SGCE: variants seen among roughly 807,000 people sequenced by gnomAD.
SGCE encodes the protein epsilon-sarcoglycan.
In SGCE, 26 loss-of-function variants were observed where a neutral mutation model predicts 57.8. That is an observed-to-expected ratio of 0.45 (90% confidence interval 0.33 to 0.62). The LOEUF (loss-of-function observed/expected upper bound fraction) is 0.62, where lower values mean the gene tolerates loss of function less well. Among genes scored for constraint, SGCE ranks in the 20% least tolerant of loss-of-function variants. SGCE has a pLI of 0.02. For missense variants in SGCE, 468 were observed against 548.6 expected (o/e 0.85, Z 1.47); for synonymous variants, 183 against 189.5 (o/e 0.97, Z 0.28).
chr7:94,588,078 C>A (rs1321713664), intron 10 of SGCE: 1 of 1,322,400 alleles, frequency 7.6e-7, no homozygotes, highest in Non-Finnish European at 9.6e-7. Flanking sequence ...AATAAGTTAT[C>A]TACTCAGTAT....
intron 1 of SGCE, among the ~76,000 whole-genome samples, chr7:94,647,053 A>G (rs1807206695): frequency 6.6e-6 from 1 of 152,162 alleles, no homozygotes; most frequent in Non-Finnish European, 1.5e-5. Context: ...GCATAATATG[A>G]TCACATTTTT....
At position 94,623,313 on chromosome 7, in the gene SGCE, T is replaced by A. The variant is rs764052313; in HGVS notation, c.463+12A>T. 2 of 1,507,866 alleles carry A rather than the reference T, an allele frequency of 1.3e-6. No individual in the cohort carries two copies. Among genetic ancestry groups the A allele is most frequent in the Admixed American group, 3.4e-5 (2 of 58,024 alleles). 93.4% of individuals were successfully genotyped at this position (1,507,866 alleles called of 1,614,324 possible). On this transcript the variant is annotated intron_variant, in intron 4 of 10. Transcript: ENST00000648936. Reference sequence around the variant, plus strand: ...TATAAATAAGAAATGATCAACATATTTTCATACCTACCTTCTGCAGACATT... The same window carrying A: ...TATAAATAAGAAATGATCAACATATATTCATACCTACCTTCTGCAGACATT...
rs1163816318 is a variant in SGCE, at chr7:94,616,861, T to C, written c.662+1897A>G. 7 of 152,194 alleles carry C rather than the reference T, an allele frequency of 4.6e-5. No homozygotes were observed. In the East Asian group the frequency reaches 1.2e-3, roughly 25 times the overall value. 9.4% of individuals were successfully genotyped at this position (152,194 alleles called of 1,614,324 possible). A position where few individuals can be genotyped will look rare whatever the true frequency, so the allele number is the denominator to read the frequency against. ...CGTACAATTTATAGAAATGCTATTT[T>C]AAAAGACTCCATATGAATATTTTGT... On this transcript the variant is annotated intron_variant, in intron 5 of 10. Transcript: ENST00000648936.
At position 94,656,086 on chromosome 7, in the gene SGCE, G is replaced by C. The variant is rs966640985; in HGVS notation, c.13C>G (p.Arg5Gly). ...CAGGGGTCTCCCAGCTCCCACCACC[G>C]GGGCAATTGCATTCTTGGCCTGGCT... is the stretch of plus-strand genomic sequence containing the variant. MQLP[R>G]WWELGDPCAW... is the part of the protein sequence containing the mutation. The change falls in exon 1 of 11, where the codon CGG (arginine) becomes GGG (glycine). Residue 5 changes from arginine (R) to glycine (G), a missense_variant. By Grantham distance (125) the Arg-to-Gly change is moderately radical (BLOSUM62 -2). Transcript: ENST00000648936. The C allele has an allele frequency of 3.1e-6, 5 of 1,607,954 alleles. No homozygotes were observed. Among genetic ancestry groups the C allele is most frequent in the Non-Finnish European group, 4.3e-6 (5 of 1,174,628 alleles).
Position 94,598,751 on chromosome 7 carries a change from T to G in SGCE, c.1253+24A>C, listed in dbSNP as rs772672801. 9 of 1,495,030 alleles carry G rather than the reference T, an allele frequency of 6.0e-6. No individual in the cohort carries two copies. In the African/African-American group the frequency reaches 1.2e-4, roughly 21 times the overall value. 92.6% of individuals were successfully genotyped at this position (1,495,030 alleles called of 1,614,324 possible). A position where few individuals can be genotyped will look rare whatever the true frequency, so the allele number is the denominator to read the frequency against. ...TAAAAATATACATGCATATTAATAA[T>G]TATGGCTCTAAGTGGACACTTACTG... On this transcript the variant is annotated intron_variant, in intron 9 of 10. Transcript: ENST00000648936.
intron 9 of SGCE, 22 bp downstream of exon 9, chr7:94,598,753 A>G: frequency 6.6e-7 from 1 of 1,508,530 alleles, no homozygotes; most frequent in Non-Finnish European, 9.2e-7. Flanking sequence ...ATTAATAATT[A>G]TGGCTCTAAG....
At chr7:94,591,237 C>A (rs574149776) in intron 9 of SGCE, among the ~76,000 whole-genome samples, 1 of 152,206 alleles carries the variant, frequency 6.6e-6, no homozygotes, top group African/African-American at 2.4e-5. Flanking sequence ...GATGGCAAGG[C>A]AAATATCTTT....
chr7:94,622,641 A>G (rs974008767), intron 4 of SGCE: 3 of 152,088 alleles, frequency 2.0e-5, no homozygotes, highest in Non-Finnish European at 4.4e-5. Flanking sequence ...AAAAAAAAAA[A>G]AAAGAAAATT....
intron 10 of SGCE, chr7:94,587,920 T>TA (rs1797121408): frequency 2.7e-6 from 4 of 1,455,828 alleles, no homozygotes; most frequent in Non-Finnish European, 3.6e-6. Context: ...ATAGTTTCCC[T>TA]ACCACAATGC....
At chr7:94,585,835 G>A (rs1002017974) in intron 10 of SGCE, among the ~76,000 whole-genome samples, 58 of 151,776 alleles carry the variant, frequency 3.8e-4, no homozygotes, top group African/African-American at 1.3e-3. Flanking sequence ...CCTTTTAATC[G>A]TGGCTTTTAA....
At chr7:94,614,313 T>C (rs1247272015) in intron 5 of SGCE, among the ~76,000 whole-genome samples, 1 of 152,038 alleles carries the variant, frequency 6.6e-6, no homozygotes, top group Admixed American at 6.6e-5. Flanking sequence ...TCCCAGCACC[T>C]ATATCCACAC....
At chr7:94,634,817 C>G (rs1354707524) in intron 1 of SGCE, among the ~76,000 whole-genome samples, 1 of 152,134 alleles carries the variant, frequency 6.6e-6, no homozygotes, top group African/African-American at 2.4e-5. Flanking sequence ...GTGATGGCAG[C>G]AGAAACTCTG....
chr7:94,594,753 T>C (rs1014668943), intron 9 of SGCE, among the ~76,000 whole-genome samples: 6 of 152,110 alleles, frequency 3.9e-5, no homozygotes, highest in African/African-American at 1.4e-4. Flanking sequence ...TCTACAATCA[T>C]TCCAAAATAA....
Position 94,603,371 on chromosome 7 carries a change from A to G in SGCE, c.744T>C (p.Cys248=). 1.2e-6 allele frequency: 2 copies of G among 1,612,652 alleles called. No homozygotes were observed. Among genetic ancestry groups the G allele is most frequent in the Non-Finnish European group, 1.7e-6 (2 of 1,178,830 alleles). Residue 248 remains cysteine, a synonymous_variant, in exon 6 of 11, where the codon TGT becomes TGC. Transcript: ENST00000648936. ...TTATTACAGGCTCCATTTCTTGACT[A>G]CATCTCAATTGATTCTGTGGATTTT... ...EVENPQNQLR[C]SQEMEPVITC...
intron 1 of SGCE, among the ~76,000 whole-genome samples, chr7:94,648,821 T>C (rs1381993598): frequency 1.3e-5 from 2 of 152,242 alleles, no homozygotes. Context: ...AAAGAGCAAC[T>C]ATACTTCCAT....
At chr7:94,601,340 G>A (rs907586666) in intron 6 of SGCE, among the ~76,000 whole-genome samples, 3 of 147,834 alleles carry the variant, frequency 2.0e-5, no homozygotes, top group East Asian at 2.0e-4. Context: ...CAAACGTGTC[G>A]TCCTTGATCT....
chr7:94,608,949 AAACT>A (rs1269043208), intron 5 of SGCE, among the ~76,000 whole-genome samples: 44 of 152,344 alleles, frequency 2.9e-4, no homozygotes, highest in African/African-American at 1.1e-3. Context: ...GCAAAATGCA[AAACT>A]ATGAAACTTC....
At chr7:94,631,915 C>T (rs964859759) in intron 1 of SGCE, among the ~76,000 whole-genome samples, 7 of 151,912 alleles carry the variant, frequency 4.6e-5, no homozygotes, top group South Asian at 2.1e-4. Flanking sequence ...ATTAAAAATA[C>T]CTTGAAGTAC....
chr7:94,613,541 G>A (rs1213651516), intron 5 of SGCE, among the ~76,000 whole-genome samples: 3 of 152,148 alleles, frequency 2.0e-5, no homozygotes, highest in South Asian at 4.1e-4. Context: ...ACTAGATAGA[G>A]TTGTTTCTTG....
Sources: gnomAD v4.1 joint callset for allele counts (sites outside exome capture counted in the v4.1 genomes callset) on GRCh38, gnomAD v4.1.1 for gene constraint, MANE v1.5 for transcripts, NCBI Gene and HGNC (gene_info 2026-07-23, HGNC 2026-07-21) for gene names.